PGA5: variants seen among roughly 807,000 people sequenced by gnomAD.
PGA5 encodes the protein pepsinogen A5.
A neutral mutation model predicts 15.9 loss-of-function variants in PGA5; 19 were observed. The observed-to-expected ratio is 1.19, with a 90% CI of 0.83 to 1.75. The LOEUF is 1.75. Among genes scored for constraint, PGA5 ranks in the 40% most tolerant of loss-of-function variants. The pLI is 0.00. For synonymous variants in PGA5, 92 were observed against 95.8 expected (o/e 0.96, Z 0.23); for missense variants, 224 against 246.4 (o/e 0.91, Z 0.61).
intron 5 of PGA5, 46 bp from the exon 6 acceptor site, chr11:61,248,373 A>G (rs1297762941): frequency 6.8e-6 from 11 of 1,613,726 alleles, no homozygotes; most frequent in South Asian, 1.1e-5. Context: ...GGTCACACAA[A>G]TGGACGAACA....
At position 61,250,038 on chromosome 11, in the gene PGA5, C is replaced by A. The variant is rs960584130; in HGVS notation, c.1017+24C>A. The A allele has an allele frequency of 8.7e-6, 14 of 1,604,818 alleles. No individual in the cohort carries two copies. The African/African-American group carries it at 1.4e-4, about 16-fold the overall frequency. ...AGGTGAGGAGGCTCTGGACCATCCA[C>A]TAGAGAGGTTCACACAGAATGTGGA... is the stretch of plus-strand genomic sequence containing the variant. On this transcript the variant is annotated intron_variant, in intron 8 of 8. Transcript: ENST00000312403.
chr11:61,249,887 C>G (rs772108845), intron 7 of PGA5, 29 bp from the exon 8 acceptor site: 46 of 1,613,544 alleles, frequency 2.9e-5, no homozygotes, highest in Non-Finnish European at 3.2e-5. Flanking sequence ...GAAAACCCTT[C>G]TAACTTTTCT....
At chr11:61,248,313 G>A (rs757663162) in intron 5 of PGA5, 106 bp from the exon 6 acceptor site, 3 of 1,613,422 alleles carry the variant, frequency 1.9e-6, no homozygotes, top group Non-Finnish European at 2.5e-6. Context: ...CCCCAGGACA[G>A]CCCTGGAAAG....
chr11:61,248,831 C>A (rs181017450), intron 6 of PGA5, among the ~76,000 whole-genome samples: 64 of 152,236 alleles, frequency 4.2e-4, no homozygotes, highest in Admixed American at 3.7e-3. Context: ...AGCTGGGGGA[C>A]CCACCTGTCC....
rs768842640 is a variant in PGA5, at chr11:61,249,704, A to C, written c.809A>C (p.Glu270Ala). The stretch of plus-strand genomic sequence containing the variant: ...AACGGAGAGACCATCGCCTGTGCTG[A>C]GGGCTGCCAGGCCATTGTTGACACC... Reference protein sequence around the residue: ...TMNGETIACAEGCQAIVDTGT... With the variant: ...TMNGETIACAAGCQAIVDTGT... Residue 270 changes from glutamate (E) to alanine (A), a missense_variant, in exon 7 of 9, where the codon GAG (glutamate) becomes GCG (alanine). Coordinates refer to ENST00000312403, the MANE Select transcript of PGA5 (RefSeq NM_014224.5). The C allele has an allele frequency of 2.5e-6, 4 of 1,613,400 alleles. No homozygotes were observed. In the South Asian group the frequency reaches 4.4e-5, roughly 18 times the overall value.
Position 61,251,171 on chromosome 11 carries a change from G to A in PGA5, c.1057G>A (p.Val353Ile), listed in dbSNP as rs17595. ...SCISGFQGMN[V>I]PTESGELWIL... is the part of the protein sequence containing the mutation. Reference sequence around the variant, plus strand: ...CATCAGTGGCTTCCAGGGCATGAACGTCCCCACCGAATCTGGAGAGCTTTG... The same window carrying A: ...CATCAGTGGCTTCCAGGGCATGAACATCCCCACCGAATCTGGAGAGCTTTG... The change falls in exon 9 of 9, where the codon GTC becomes ATC. Residue 353 changes from valine (V) to isoleucine (I), a missense_variant. Transcript: ENST00000312403. 4.1e-4 allele frequency: 662 copies of A among 1,609,248 alleles called. 13 individuals are homozygous for A. In the South Asian group the frequency reaches 6.8e-3, roughly 17 times the overall value.
chr11:61,251,206 T>C lies in PGA5; in HGVS notation c.1092T>C (p.Gly364=), dbSNP rs771710446. 11 of 1,611,720 alleles carry C rather than the reference T, an allele frequency of 6.8e-6. No homozygotes were observed. The highest frequency in any genetic ancestry group is 2.2e-4 in the Middle Eastern group (1 of 4,452). Residue 364 remains glycine (G), a synonymous_variant, in exon 9 of 9, where the codon GGT becomes GGC. Transcript: ENST00000312403. ...PTESGELWIL[G]DVFIRQYFTV... ...AATCTGGAGAGCTTTGGATCCTGGG[T>C]GATGTCTTCATCCGCCAGTACTTTA... is the stretch of plus-strand genomic sequence containing the variant.
intron 8 of PGA5, 114 bp downstream of exon 8, chr11:61,250,128 G>A: frequency 8.3e-7 from 1 of 1,199,532 alleles, no homozygotes; most frequent in Non-Finnish European, 1.2e-6. Context: ...GGCAGAGGCA[G>A]ACGAACATCT....
At position 61,251,281 on chromosome 11, in the gene PGA5, A is replaced by T; in HGVS notation, c.1167A>T (p.Ter389TyrextTer2). The T allele has an allele frequency of 1.9e-6, 3 of 1,611,880 alleles. No individual in the cohort carries two copies. The highest frequency in any genetic ancestry group is 2.5e-6 in the Non-Finnish European group (3 of 1,179,864). ...NNQVGLAPVA[*>Y] Reference sequence around the variant, plus strand: ...AGGTCGGCCTGGCCCCTGTGGCTTAAGCCTAAGTCTCTTCAGCCACCTCCC... The same window carrying T: ...AGGTCGGCCTGGCCCCTGTGGCTTATGCCTAAGTCTCTTCAGCCACCTCCC... Residue 389 changes from the stop codon to tyrosine, a stop_lost, in exon 9 of 9, where the codon TAA becomes TAT. Coordinates refer to ENST00000312403, the MANE Select transcript of PGA5 (RefSeq NM_014224.5).
rs1425996872 is a variant in PGA5 at position 61,249,481 on chromosome 11, G to C, written c.774-188G>C. On this transcript the variant is annotated intron_variant, in intron 6 of 8. Coordinates refer to ENST00000312403, the MANE Select transcript of PGA5 (RefSeq NM_014224.5). ...CGTTTCCCATGCCTGGCAGAGGGTAGGCACTTGGGAAATATTTGTAGGGTA... is the reference window on the plus strand; with the variant it reads ...CGTTTCCCATGCCTGGCAGAGGGTACGCACTTGGGAAATATTTGTAGGGTA... The C allele has an allele frequency of 5.2e-6, 6 of 1,160,512 alleles. No individual in the cohort carries two copies. In the African/African-American group the frequency reaches 7.7e-5, roughly 15 times the overall value. The allele number at this position is 1,160,512 out of a possible 1,614,324, so 71.9% of individuals were successfully genotyped here.
chr11:61,248,409 C>T lies in PGA5; in HGVS notation c.657-10C>T, dbSNP rs1448955911. On this transcript the variant is annotated splice_polypyrimidine_tract_variant and intron_variant, in intron 5 of 8. Transcript: ENST00000312403. ...AAAAAATTCATGTCTTCTCCCCTCACTTTCCACAGCGATGACAAGAGTGGC... is the reference window on the plus strand; with the variant it reads ...AAAAAATTCATGTCTTCTCCCCTCATTTTCCACAGCGATGACAAGAGTGGC... The T allele has an allele frequency of 9.3e-6, 15 of 1,613,760 alleles. No individual in the cohort carries two copies. Among genetic ancestry groups the T allele is most frequent in the Admixed American group, 3.3e-5 (2 of 59,994 alleles).
At chr11:61,247,859 C>G (rs966366906) in intron 5 of PGA5, among the ~76,000 whole-genome samples, 6 of 152,022 alleles carry the variant, frequency 3.9e-5, no homozygotes, top group Non-Finnish European at 5.9e-5. Flanking sequence ...CACCATAATT[C>G]CTTGCCGCCA....
chr11:61,249,938 T>A lies in PGA5; in HGVS notation c.941T>A (p.Ile314Asn), dbSNP rs149836624. The A allele has an allele frequency of 6.6e-4, 1,062 of 1,613,390 alleles. 25 individuals are homozygous for A. The African/African-American group carries it at 0.013, about 20-fold the overall frequency. ...DGDMVVSCSA[I>N]SSLPDIVFTI... is the part of the protein sequence containing the mutation. ...CAGATGGTGGTCAGCTGCTCAGCCA[T>A]CAGCAGCCTGCCCGACATCGTCTTC... The change falls in exon 8 of 9, where the codon ATC (isoleucine) becomes AAC (asparagine). Residue 314 changes from isoleucine to asparagine, a missense_variant. Transcript: ENST00000312403.
chr11:61,248,250 G>T (rs757459907), intron 5 of PGA5, 169 bp from the exon 6 acceptor site: 2 of 1,500,700 alleles, frequency 1.3e-6, no homozygotes, highest in Non-Finnish European at 1.9e-6. Flanking sequence ...AACAGTGACG[G>T]TGCCCACTGC....
rs1381221940 is a variant in PGA5, at chr11:61,248,459, G to C, written c.697G>C (p.Asp233His). Residue 233 changes from aspartate (D) to histidine (H), a missense_variant, in exon 6 of 9, where the codon GAC (aspartate) becomes CAC (histidine). Transcript: ENST00000312403. ...SGSVVIFGGIDSSYYTGSLNW... is the reference protein window; with the variant it reads ...SGSVVIFGGIHSSYYTGSLNW... Reference sequence around the variant, plus strand: ...CAGCGTGGTGATCTTTGGTGGCATTGACTCTTCTTACTACACTGGAAGTCT... The same window carrying C: ...CAGCGTGGTGATCTTTGGTGGCATTCACTCTTCTTACTACACTGGAAGTCT... 6.2e-7 allele frequency: 1 copy of C among 1,613,644 alleles called. No individual in the cohort carries two copies. Among genetic ancestry groups the C allele is most frequent in the Non-Finnish European group, 8.5e-7 (1 of 1,179,880 alleles).
chr11:61,247,251 A>G (rs1854077526), intron 5 of PGA5, among the ~76,000 whole-genome samples: 1 of 149,912 alleles, frequency 6.7e-6, no homozygotes, highest in Non-Finnish European at 1.5e-5. Flanking sequence ...GTCATGTTTT[A>G]GAAATGGCCA....
At chr11:61,246,526 C>G (rs1029102429) in intron 5 of PGA5, among the ~76,000 whole-genome samples, 1 of 151,802 alleles carries the variant, frequency 6.6e-6, no homozygotes, top group East Asian at 1.9e-4. Flanking sequence ...GATTACAGCA[C>G]TGAGGCGGGA....
chr11:61,249,711 C>T lies in PGA5; in HGVS notation c.816C>T (p.Cys272=), dbSNP rs765312702. ...AGACCATCGCCTGTGCTGAGGGCTGCCAGGCCATTGTTGACACCGGCACCT... is the reference window on the plus strand; with the variant it reads ...AGACCATCGCCTGTGCTGAGGGCTGTCAGGCCATTGTTGACACCGGCACCT... The part of the protein sequence containing the change: ...NGETIACAEG[C]QAIVDTGTSL... The change falls in exon 7 of 9, where the codon TGC becomes TGT. Residue 272 remains cysteine, a synonymous_variant. Coordinates refer to ENST00000312403, the MANE Select transcript of PGA5 (RefSeq NM_014224.5). 1 of 1,613,526 alleles carries T rather than the reference C, an allele frequency of 6.2e-7. No individual in the cohort carries two copies. The highest frequency in any genetic ancestry group is 8.5e-7 in the Non-Finnish European group (1 of 1,179,852).
chr11:61,247,793 G>T (rs1854084613), intron 5 of PGA5, among the ~76,000 whole-genome samples: 2 of 151,976 alleles, frequency 1.3e-5, no homozygotes, highest in Non-Finnish European at 2.9e-5. Flanking sequence ...TGGGGCCATT[G>T]TATCTCCCCA....
Sources: gnomAD v4.1 joint callset for allele counts (sites outside exome capture counted in the v4.1 genomes callset) on GRCh38, gnomAD v4.1.1 for gene constraint, MANE v1.5 for transcripts, NCBI Gene and HGNC (gene_info 2026-07-23, HGNC 2026-07-21) for gene names.